The following PATJ variants were observed in gnomAD, a reference collection of about 807,000 sequenced individuals.
PATJ encodes PATJ crumbs cell polarity complex component, also known as inaD-like protein.
Under a neutral mutation model 224.9 loss-of-function variants are expected in PATJ, and 190 were observed. That is an observed-to-expected ratio of 0.84 (90% CI 0.75 to 0.95). The LOEUF (loss-of-function observed/expected upper bound fraction) is 0.95. Ranked by LOEUF, PATJ falls within the 40% of genes least tolerant of loss-of-function variation. The pLI, the probability that PATJ is intolerant of heterozygous loss-of-function variation, is 0.00. For synonymous variants in PATJ, 769 were observed against 820.3 expected (o/e 0.94, Z 1.07); for missense variants, 2,121 against 2,270.3 (o/e 0.93, Z 1.34).
chr1:61,842,972 T>C (rs1661361576), intron 17 of PATJ, among the ~76,000 whole-genome samples: 1 of 152,086 alleles, frequency 6.6e-6, no homozygotes, highest in African/African-American at 2.4e-5. Context: ...CAAGTAGGTA[T>C]TGGAAATCTG....
rs1363922619 is a variant in PATJ, at chr1:61,771,708, A to G, written c.720+82A>G. Reference sequence around the variant, plus strand: ...AGTGTAAAGACATTTAGAAGGTGTCATTTTACCTTTCTTTCCTTTTTTTTT... The same window carrying G: ...AGTGTAAAGACATTTAGAAGGTGTCGTTTTACCTTTCTTTCCTTTTTTTTT... On this transcript the variant is annotated intron_variant, in intron 6 of 43. Transcript: ENST00000642238. The G allele has an allele frequency of 3.9e-6, 4 of 1,023,932 alleles. No individual in the cohort carries two copies. In the South Asian group the frequency reaches 8.4e-5, roughly 21 times the overall value. 63.4% of individuals were successfully genotyped at this position (1,023,932 alleles called of 1,614,324 possible). A position where few individuals can be genotyped will look rare whatever the true frequency, so the allele number is the denominator to read the frequency against.
chr1:61,942,270 A>T (rs2149348155), intron 27 of PATJ, among the ~76,000 whole-genome samples: 1 of 152,346 alleles, frequency 6.6e-6, no homozygotes, highest in East Asian at 1.9e-4. Context: ...TGCTTATTTG[A>T]AAGAAAAAAA....
intron 29 of PATJ, among the ~76,000 whole-genome samples, chr1:62,032,704 G>C (rs1213385562): frequency 1.3e-5 from 2 of 152,124 alleles, no homozygotes; most frequent in African/African-American, 4.8e-5. Context: ...GGTATTCTTA[G>C]CATGCTTTTG....
At chr1:61,910,720 AT>A (rs970669971) in intron 25 of PATJ, among the ~76,000 whole-genome samples, 1 of 150,168 alleles carries the variant, frequency 6.7e-6, no homozygotes, top group Non-Finnish European at 1.5e-5. Flanking sequence ...CTAGTTTTTG[AT>A]TTTTTTCCCG....
intron 29 of PATJ, among the ~76,000 whole-genome samples, chr1:62,030,984 A>C (rs903445340): frequency 6.6e-6 from 1 of 152,190 alleles, no homozygotes; most frequent in Non-Finnish European, 1.5e-5. Flanking sequence ...TGGCTTTTTA[A>C]AAAATTATTG....
rs576218247 is a variant in PATJ at position 61,768,638 on chromosome 1, G to A, written c.385-645G>A. ...TTTGCGGCTGGGCACTGTGGCTCACGTCTGTAATCCCAGCAATTTGGGAGG... is the reference window on the plus strand; with the variant it reads ...TTTGCGGCTGGGCACTGTGGCTCACATCTGTAATCCCAGCAATTTGGGAGG... On this transcript the variant is annotated intron_variant, in intron 4 of 43. Transcript: ENST00000642238. Among the ~76,000 whole-genome samples the A allele has an allele frequency of 2.0e-3, 305 of 152,086 alleles. 1 individual carries two copies. The Middle Eastern group carries it at 0.024, about 12-fold the overall frequency.
chr1:61,773,128 C>A (rs1408095900), intron 6 of PATJ, among the ~76,000 whole-genome samples: 3 of 152,030 alleles, frequency 2.0e-5, no homozygotes, highest in Non-Finnish European at 4.4e-5. Flanking sequence ...TCAAGTGATT[C>A]TCCTGCCTCA....
At chr1:61,783,078 G>C (rs575063590) in intron 7 of PATJ, among the ~76,000 whole-genome samples, 6 of 152,326 alleles carry the variant, frequency 3.9e-5, no homozygotes, top group African/African-American at 1.4e-4. Flanking sequence ...TGTGAACTTT[G>C]AGAGACTTTC....
intron 14 of PATJ, among the ~76,000 whole-genome samples, chr1:61,814,553 C>T (rs1020997958): frequency 2.2e-3 from 286 of 129,922 alleles, no homozygotes; most frequent in African/African-American, 9.1e-3. Context: ...TGTGTGCGCG[C>T]GCGCGCGCAT....
chr1:61,798,110 T>G (rs757925134), intron 11 of PATJ, among the ~76,000 whole-genome samples: 14 of 152,146 alleles, frequency 9.2e-5, no homozygotes, highest in Non-Finnish European at 1.9e-4. Context: ...CCAGCCAGGT[T>G]TCCTATTACT....
chr1:61,743,686 G>T (rs1365543939), intron 1 of PATJ, among the ~76,000 whole-genome samples: 1 of 152,170 alleles, frequency 6.6e-6, no homozygotes, highest in African/African-American at 2.4e-5. Flanking sequence ...TCTGTTTGCA[G>T]CATTAGAAAA....
intron 33 of PATJ, among the ~76,000 whole-genome samples, chr1:62,102,153 T>C (rs570661077): frequency 6.6e-6 from 1 of 152,058 alleles, no homozygotes; most frequent in East Asian, 1.9e-4. Context: ...CACTCCAGCC[T>C]GGACAACAAA....
chr1:61,764,928 C>T (rs983116497), intron 3 of PATJ, among the ~76,000 whole-genome samples: 1 of 152,048 alleles, frequency 6.6e-6, no homozygotes, highest in Non-Finnish European at 1.5e-5. Flanking sequence ...GTGGCTGTAA[C>T]TACCCTATCC....
At chr1:62,147,754 G>A (rs183345532) in intron 41 of PATJ, among the ~76,000 whole-genome samples, 477 of 151,342 alleles carry the variant, frequency 3.2e-3, no homozygotes, top group Non-Finnish European at 3.8e-3. Context: ...AGCCGAGATC[G>A]TGCCACTGCA....
intron 27 of PATJ, among the ~76,000 whole-genome samples, chr1:61,969,348 C>A (rs1463590822): frequency 2.0e-5 from 3 of 152,198 alleles, no homozygotes; most frequent in African/African-American, 7.2e-5. Context: ...ACCAACGATG[C>A]ATAAACGTTC....
chr1:61,779,805 C>A (rs1647143824), intron 7 of PATJ, among the ~76,000 whole-genome samples: 2 of 152,244 alleles, frequency 1.3e-5, no homozygotes, highest in Admixed American at 1.3e-4. Flanking sequence ...GCTCTGCTGG[C>A]TGGAAAATTG....
At chr1:62,012,499 A>G (rs1646511169) in intron 28 of PATJ, among the ~76,000 whole-genome samples, 1 of 152,154 alleles carries the variant, frequency 6.6e-6, no homozygotes, top group South Asian at 2.1e-4. Flanking sequence ...TATTATTTGG[A>G]AGACTTTCTA....
At chr1:62,009,140 G>A (rs1477710566) in intron 28 of PATJ, among the ~76,000 whole-genome samples, 1 of 152,152 alleles carries the variant, frequency 6.6e-6, no homozygotes, top group Admixed American at 6.5e-5. Flanking sequence ...AAGGTGGGGA[G>A]CAATATTTGA....
At chr1:61,818,253 A>G (rs1192636402) in intron 14 of PATJ, among the ~76,000 whole-genome samples, 1 of 152,196 alleles carries the variant, frequency 6.6e-6, no homozygotes, top group African/African-American at 2.4e-5. Context: ...CCTTGAATAC[A>G]TTTCCTTGTA....
Sources: allele counts gnomAD v4.1 joint callset (sites outside exome capture counted in the v4.1 genomes callset), GRCh38; gene constraint gnomAD v4.1.1; transcripts MANE v1.5; gene names NCBI Gene and HGNC (gene_info 2026-07-23, HGNC 2026-07-21).